Variants in RAPGEF4 observed in about 807,000 individuals in gnomAD.
RAPGEF4 encodes RAP guanine-nucleotide-exchange factor (GEF) 4.
A neutral mutation model predicts 147.9 loss-of-function variants in RAPGEF4; 66 were observed. That is an observed-to-expected ratio of 0.45 (90% confidence interval 0.37 to 0.55). The LOEUF (loss-of-function observed/expected upper bound fraction) is 0.55. Ranked by LOEUF, RAPGEF4 falls within the 20% of genes least tolerant of loss-of-function variation. The pLI, the probability that RAPGEF4 is intolerant of heterozygous loss-of-function variation, is 0.00. For missense variants in RAPGEF4, 1,071 were observed against 1,257.3 expected, an observed-to-expected ratio of 0.85 and a Z score of 2.24; for synonymous variants, 419 against 442.7, an observed-to-expected ratio of 0.95 and a Z score of 0.67.
chr2:172,847,167 G>A (rs771292213), intron 4 of RAPGEF4, among the ~76,000 whole-genome samples: 18 of 152,206 alleles, frequency 1.2e-4, no homozygotes, highest in Non-Finnish European at 2.4e-4. Context: ...GTTAGCGGTT[G>A]CAGGGTTGCC....
intron 1 of RAPGEF4, among the ~76,000 whole-genome samples, chr2:172,784,513 T>TA (rs368318278): frequency 0.19 from 25,460 of 132,912 alleles, 2,487 homozygotes; most frequent in East Asian, 0.29. Context: ...GCGAAACTCT[T>TA]AAAAAAAAAA....
chr2:172,945,345 T>C (rs1687579930), intron 6 of RAPGEF4, among the ~76,000 whole-genome samples: 1 of 152,198 alleles, frequency 6.6e-6, no homozygotes, highest in African/African-American at 2.4e-5. Flanking sequence ...AAAACATCAA[T>C]AGGTTTTTGC....
chr2:173,007,977 C>T (rs1694650969), intron 17 of RAPGEF4, among the ~76,000 whole-genome samples: 1 of 152,204 alleles, frequency 6.6e-6, no homozygotes, highest in Non-Finnish European at 1.5e-5. Flanking sequence ...GGCTCTATGT[C>T]CCCACCCAAA....
chr2:173,027,820 G>A (rs913094414), intron 25 of RAPGEF4, among the ~76,000 whole-genome samples: 3 of 152,158 alleles, frequency 2.0e-5, no homozygotes, highest in African/African-American at 7.2e-5. Flanking sequence ...TTTTACTACA[G>A]GGGCCAGTTA....
intron 4 of RAPGEF4, among the ~76,000 whole-genome samples, chr2:172,842,063 C>T (rs1158348787): frequency 1.3e-5 from 2 of 152,148 alleles, no homozygotes; most frequent in East Asian, 1.9e-4. Flanking sequence ...ATTATTCATC[C>T]AGCAAGTATA....
chr2:172,782,779 A>G (rs527852231), intron 1 of RAPGEF4, among the ~76,000 whole-genome samples: 2 of 152,326 alleles, frequency 1.3e-5, no homozygotes, highest in African/African-American at 4.8e-5. Context: ...ACTTAATGCT[A>G]GTAGGGCAAG....
At chr2:172,877,030 C>T (rs187061051) in intron 4 of RAPGEF4, among the ~76,000 whole-genome samples, 10 of 152,196 alleles carry the variant, frequency 6.6e-5, no homozygotes, top group South Asian at 2.1e-4. Flanking sequence ...AGTTTATTTG[C>T]GTAGAGGTGT....
intron 5 of RAPGEF4, 184 bp downstream of exon 5, chr2:172,918,058 T>A (rs1684272461): frequency 2.7e-6 from 2 of 748,098 alleles, no homozygotes; most frequent in Non-Finnish European, 4.9e-6. Context: ...AGTATTAGTC[T>A]GTGGTCTTAG....
chr2:173,036,046 A>G lies in RAPGEF4; in HGVS notation c.2701-79A>G, dbSNP rs116540801. Reference sequence around the variant, plus strand: ...TCAACTGTACCTGATTGTGGGGTGAAAGGCAGGTGTATTAGGAGGTAACAA... The same window carrying G: ...TCAACTGTACCTGATTGTGGGGTGAGAGGCAGGTGTATTAGGAGGTAACAA... On this transcript the variant is annotated intron_variant, in intron 27 of 30. Transcript: ENST00000397081. 1,120 of 1,052,718 alleles carry G rather than the reference A, an allele frequency of 1.1e-3. 13 individuals carry two copies. The African/African-American group carries it at 0.016, about 15-fold the overall frequency. The allele number at this position is 1,052,718 out of a possible 1,614,324, so 65.2% of individuals were successfully genotyped here.
intron 6 of RAPGEF4, among the ~76,000 whole-genome samples, chr2:172,945,448 T>G (rs758029326): frequency 2.0e-5 from 3 of 152,180 alleles, no homozygotes; most frequent in Non-Finnish European, 4.4e-5. Flanking sequence ...TGTTTGTATA[T>G]TCTTGTCCTG....
chr2:172,843,619 T>C (rs186916985), intron 4 of RAPGEF4, among the ~76,000 whole-genome samples: 88 of 152,354 alleles, frequency 5.8e-4, no homozygotes, highest in African/African-American at 2.1e-3. Flanking sequence ...AGCTCTTTTG[T>C]CAGCAAAACC....
chr2:172,958,733 C>T (rs1688986922), intron 6 of RAPGEF4, among the ~76,000 whole-genome samples: 1 of 152,208 alleles, frequency 6.6e-6, no homozygotes, highest in Non-Finnish European at 1.5e-5. Flanking sequence ...AAAAAGTCTG[C>T]TAGATGCCAG....
At chr2:172,833,030 G>A (rs114891717) in intron 4 of RAPGEF4, among the ~76,000 whole-genome samples, 1 of 152,100 alleles carries the variant, frequency 6.6e-6, no homozygotes, top group Non-Finnish European at 1.5e-5. Flanking sequence ...ATGGCGAAAC[G>A]CTGTCTTTAC....
chr2:172,881,008 G>T (rs188673793), intron 4 of RAPGEF4, among the ~76,000 whole-genome samples: 1 of 152,048 alleles, frequency 6.6e-6, no homozygotes, highest in Non-Finnish European at 1.5e-5. Flanking sequence ...TTTAAAAATG[G>T]CTTCTATTTC....
chr2:172,787,035 C>T (rs981379124), intron 1 of RAPGEF4, among the ~76,000 whole-genome samples: 1 of 152,008 alleles, frequency 6.6e-6, no homozygotes, highest in Non-Finnish European at 1.5e-5. Flanking sequence ...CGTGGTGAAA[C>T]CCCATCTCTA....
At chr2:172,761,283 G>A (rs192038774) in intron 1 of RAPGEF4, among the ~76,000 whole-genome samples, 197 of 151,900 alleles carry the variant, frequency 1.3e-3, no homozygotes, top group Non-Finnish European at 2.5e-3. Context: ...CCACCACCAC[G>A]CCTGGCTAAT....
At chr2:173,026,751 C>A in intron 24 of RAPGEF4, 54 bp downstream of exon 24, 1 of 1,593,278 alleles carries the variant, frequency 6.3e-7, no homozygotes, top group Non-Finnish European at 8.6e-7. Flanking sequence ...ATAAAGGCTG[C>A]TGGCATTGCT....
At chr2:172,912,288 A>G (rs1165601257) in intron 4 of RAPGEF4, among the ~76,000 whole-genome samples, 1 of 152,188 alleles carries the variant, frequency 6.6e-6, no homozygotes, top group East Asian at 1.9e-4. Flanking sequence ...TCAATTTATC[A>G]TCCATTTCAT....
At chr2:172,818,758 T>G (rs188917617) in intron 4 of RAPGEF4, among the ~76,000 whole-genome samples, 1 of 152,204 alleles carries the variant, frequency 6.6e-6, no homozygotes, top group East Asian at 1.9e-4. Context: ...GAGCAAATAC[T>G]CTATATCTTA....
Sources: gnomAD v4.1 joint callset for allele counts (sites outside exome capture counted in the v4.1 genomes callset) on GRCh38, gnomAD v4.1.1 for gene constraint, MANE v1.5 for transcripts, NCBI Gene and HGNC (gene_info 2026-07-23, HGNC 2026-07-21) for gene names.